Variants in TIAM1 observed in about 807,000 individuals in gnomAD.
The protein encoded by TIAM1 is rho guanine nucleotide exchange factor TIAM1.
TIAM1 carries 65 observed loss-of-function variants against 163.5 expected under a neutral mutation model. That is an observed-to-expected ratio of 0.40 (90% confidence interval 0.33 to 0.49). TIAM1 has a LOEUF of 0.49. TIAM1 is among the 20% of genes least tolerant of loss of function. The pLI is 0.77. For missense variants in TIAM1, 1,789 were observed against 2,044.7 expected (o/e 0.87, Z 2.41); for synonymous variants, 833 against 810.1 (o/e 1.03, Z -0.48).
intron 2 of TIAM1, among the ~76,000 whole-genome samples, chr21:31,458,820 G>C (rs2045214554): frequency 6.6e-6 from 1 of 152,166 alleles, no homozygotes; most frequent in African/African-American, 2.4e-5. Flanking sequence ...GCCTGTCCGG[G>C]GAGGCGATAT....
chr21:31,466,353 G>C (rs2045531936), intron 1 of TIAM1, among the ~76,000 whole-genome samples: 1 of 152,296 alleles, frequency 6.6e-6, no homozygotes, highest in South Asian at 2.1e-4. Context: ...GGTTGACTTA[G>C]ACAACAAGGA....
chr21:31,126,936 C>A, intron 26 of TIAM1, 129 bp downstream of exon 26: 1 of 830,516 alleles, frequency 1.2e-6, no homozygotes, highest in East Asian at 2.6e-5. Flanking sequence ...GCTGACTCTC[C>A]ATTTACTGCA....
chr21:31,511,904 G>A (rs1213246484), intron 1 of TIAM1, among the ~76,000 whole-genome samples: 2 of 152,266 alleles, frequency 1.3e-5, no homozygotes, highest in East Asian at 3.9e-4. Flanking sequence ...AGCTGGAAGT[G>A]ACAGGCAGAA....
At chr21:31,518,553 C>G (rs985634056) in intron 1 of TIAM1, among the ~76,000 whole-genome samples, 2 of 152,180 alleles carry the variant, frequency 1.3e-5, no homozygotes, top group African/African-American at 4.8e-5. Context: ...TCCCAAAGTG[C>G]TGGGATTACA....
chr21:31,454,871 A>G (rs528817955), intron 2 of TIAM1, among the ~76,000 whole-genome samples: 1 of 152,258 alleles, frequency 6.6e-6, no homozygotes, highest in Admixed American at 6.5e-5. Context: ...CTCCCCAATA[A>G]GCAGGGAGCA....
chr21:31,144,242 G>T (rs2146285988), intron 20 of TIAM1, among the ~76,000 whole-genome samples: 1 of 152,324 alleles, frequency 6.6e-6, no homozygotes, highest in East Asian at 1.9e-4. Flanking sequence ...CGGGCTGGGG[G>T]CCAGCATATG....
intron 2 of TIAM1, among the ~76,000 whole-genome samples, chr21:31,376,810 A>C (rs913447827): frequency 6.6e-6 from 1 of 151,856 alleles, no homozygotes; most frequent in Non-Finnish European, 1.5e-5. Flanking sequence ...AGAAAGCACA[A>C]AATTTTAGGC....
At chr21:31,198,571 C>T (rs1044076480) in intron 12 of TIAM1, among the ~76,000 whole-genome samples, 8 of 152,300 alleles carry the variant, frequency 5.3e-5, no homozygotes, top group African/African-American at 1.9e-4. Flanking sequence ...CAATGTATAA[C>T]CTAACACCAC....
chr21:31,224,316 CA>C (rs1392256471), intron 7 of TIAM1, among the ~76,000 whole-genome samples: 1 of 152,184 alleles, frequency 6.6e-6, no homozygotes, highest in Non-Finnish European at 1.5e-5. Flanking sequence ...ATGTTCATAG[CA>C]GCACTGTTTG....
chr21:31,446,487 A>G (rs1039791225), intron 2 of TIAM1, among the ~76,000 whole-genome samples: 1 of 152,172 alleles, frequency 6.6e-6, no homozygotes, highest in African/African-American at 2.4e-5. Context: ...GAAACTTTAC[A>G]CACTGAAAAC....
intron 14 of TIAM1, among the ~76,000 whole-genome samples, chr21:31,183,125 G>C (rs997932523): frequency 6.6e-6 from 1 of 152,196 alleles, no homozygotes; most frequent in Non-Finnish European, 1.5e-5. Context: ...CTCTGGCTAT[G>C]AGGACAGAAG....
chr21:31,273,805 T>C (rs2073171749), intron 3 of TIAM1, among the ~76,000 whole-genome samples: 1 of 152,218 alleles, frequency 6.6e-6, no homozygotes, highest in Non-Finnish European at 1.5e-5. Flanking sequence ...ACAAAGACTT[T>C]TAAAGCAACT....
rs112732220 is a variant in TIAM1 at position 31,305,435 on chromosome 21, A to C, written c.-188-28527T>G. Among the ~76,000 whole-genome samples, 529 of 152,196 alleles carry C rather than the reference A, an allele frequency of 3.5e-3. 3 individuals carry two copies. Among genetic ancestry groups the C allele is most frequent in the Non-Finnish European group, 5.3e-3 (362 of 68,026 alleles). ...CTGAAATAAAAATAAAAAAAAAAAA[A>C]AAACAGTTCTTAGCCTTTTTCCTTC... is the stretch of plus-strand genomic sequence containing the variant. On this transcript the variant is annotated intron_variant, in intron 2 of 27. Transcript: ENST00000541036.
intron 26 of TIAM1, among the ~76,000 whole-genome samples, chr21:31,126,592 A>G (rs1296509552): frequency 2.0e-5 from 3 of 151,980 alleles, no homozygotes; most frequent in East Asian, 3.9e-4. Context: ...AAATATATAT[A>G]TAAATAAAAG....
chr21:31,353,098 T>C (rs1407590234), intron 2 of TIAM1, among the ~76,000 whole-genome samples: 1 of 152,090 alleles, frequency 6.6e-6, no homozygotes, highest in African/African-American at 2.4e-5. Flanking sequence ...CCTTGCACAG[T>C]ATGCTGGAGG....
intron 2 of TIAM1, among the ~76,000 whole-genome samples, chr21:31,356,835 T>C (rs1221375509): frequency 6.6e-6 from 1 of 152,198 alleles, no homozygotes; most frequent in Non-Finnish European, 1.5e-5. Context: ...GTAGATTCCA[T>C]CTGGGCGCAG....
intron 3 of TIAM1, among the ~76,000 whole-genome samples, chr21:31,268,148 G>C (rs1419147629): frequency 6.6e-6 from 1 of 152,166 alleles, no homozygotes; most frequent in Non-Finnish European, 1.5e-5. Context: ...TCTCTGAGGT[G>C]GTTCTTTTAA....
intron 2 of TIAM1, among the ~76,000 whole-genome samples, chr21:31,322,287 T>C (rs1049136998): frequency 1.3e-5 from 2 of 152,202 alleles, no homozygotes; most frequent in African/African-American, 4.8e-5. Flanking sequence ...CTTCTTCTCC[T>C]CCTGGACCAC....
chr21:31,240,967 G>A (rs2071140299), intron 6 of TIAM1, among the ~76,000 whole-genome samples: 1 of 152,148 alleles, frequency 6.6e-6, no homozygotes, highest in Non-Finnish European at 1.5e-5. Flanking sequence ...AATCATGGGT[G>A]CAGGTCTTTC....
Sources: gnomAD v4.1 joint callset for allele counts (sites outside exome capture counted in the v4.1 genomes callset) on GRCh38, gnomAD v4.1.1 for gene constraint, MANE v1.5 for transcripts, NCBI Gene and HGNC (gene_info 2026-07-23, HGNC 2026-07-21) for gene names.